Variants in CNTN3 observed in about 807,000 individuals in gnomAD.
CNTN3 encodes the protein contactin-3.
In CNTN3, 60 loss-of-function variants were observed where a neutral mutation model predicts 119.1. The observed-to-expected ratio is 0.50, with a 90% CI of 0.41 to 0.62. The LOEUF (loss-of-function observed/expected upper bound fraction) is 0.62. Ranked by LOEUF, CNTN3 falls within the 20% of genes least tolerant of loss-of-function variation. The probability of loss-of-function intolerance (pLI) is 0.00; values close to 1 mark genes in which losing one functional copy is unlikely to be tolerated. For missense variants in CNTN3, 1,101 were observed against 1,242.4 expected (o/e 0.89, Z 1.71); for synonymous variants, 450 against 438.7 (o/e 1.03, Z -0.32).
intron 1 of CNTN3, among the ~76,000 whole-genome samples, chr3:74,575,606 A>AACACACACACACACACACACACACACAC (rs71129762): frequency 7.4e-6 from 1 of 135,098 alleles, no homozygotes; most frequent in Non-Finnish European, 1.6e-5. Flanking sequence ...AGTCTCTCCC[A>AACACACACACACACACACACACACACAC]ACACACACAC....
At position 74,520,966 on chromosome 3, in the gene CNTN3, T is replaced by C. The variant is rs1009192046; in HGVS notation, c.55+92A>G. On this transcript the variant is annotated intron_variant, in intron 2 of 22. Coordinates refer to ENST00000263665, the MANE Select transcript of CNTN3 (RefSeq NM_020872.3). ...AACATTTGTTTTTCTTTGCTACTGG[T>C]GGAGTTTTATTTCAACATCTAAAAA... The C allele has an allele frequency of 3.1e-5, 19 of 608,010 alleles. No homozygotes were observed. In the African/African-American group the frequency reaches 3.3e-4, roughly 10 times the overall value. 37.7% of individuals were successfully genotyped at this position (608,010 alleles called of 1,614,324 possible).
At chr3:74,595,951 A>G (rs962807491) in intron 1 of CNTN3, among the ~76,000 whole-genome samples, 21 of 151,868 alleles carry the variant, frequency 1.4e-4, no homozygotes, top group Admixed American at 6.6e-5. Flanking sequence ...CCATTGTCTC[A>G]GCCCAAAATC....
intron 1 of CNTN3, among the ~76,000 whole-genome samples, chr3:74,550,553 T>C (rs887446585): frequency 2.0e-5 from 3 of 152,118 alleles, no homozygotes; most frequent in African/African-American, 4.8e-5. Context: ...TTATTATTAT[T>C]ATTTGAGACA....
intron 4 of CNTN3, among the ~76,000 whole-genome samples, chr3:74,464,425 T>C (rs7430250): frequency 0.71 from 108,310 of 152,018 alleles, 38,948 homozygotes; most frequent in African/African-American, 0.8. Flanking sequence ...TATACAGATA[T>C]AAAAGCAGAA....
intron 1 of CNTN3, among the ~76,000 whole-genome samples, chr3:74,541,897 ACT>A (rs1359404430): frequency 2.0e-5 from 3 of 152,174 alleles, no homozygotes; most frequent in Non-Finnish European, 4.4e-5. Flanking sequence ...TTGGTTTTCA[ACT>A]CTCACTGCTT....
chr3:74,576,610 C>T (rs1704421552), intron 1 of CNTN3, among the ~76,000 whole-genome samples: 1 of 152,016 alleles, frequency 6.6e-6, no homozygotes, highest in Non-Finnish European at 1.5e-5. Context: ...AGAGTGATCA[C>T]ACTTATTCTA....
At chr3:74,483,431 C>A (rs1285200875) in intron 4 of CNTN3, among the ~76,000 whole-genome samples, 2 of 152,048 alleles carry the variant, frequency 1.3e-5, no homozygotes, top group African/African-American at 4.8e-5. Flanking sequence ...GGCTCTCTTG[C>A]AAGTTTTTGC....
At chr3:74,435,058 T>C (rs1451743214) in intron 4 of CNTN3, among the ~76,000 whole-genome samples, 1 of 152,236 alleles carries the variant, frequency 6.6e-6, no homozygotes, top group East Asian at 1.9e-4. Flanking sequence ...TTTCTTTTCC[T>C]ACATTTGCTC....
intron 4 of CNTN3, among the ~76,000 whole-genome samples, chr3:74,427,263 G>A (rs891835539): frequency 1.3e-5 from 2 of 152,192 alleles, no homozygotes; most frequent in African/African-American, 2.4e-5. Context: ...AAGGTGGTAA[G>A]TACACAGAGG....
chr3:74,598,795 T>C (rs1221461772), intron 1 of CNTN3, among the ~76,000 whole-genome samples: 1 of 152,014 alleles, frequency 6.6e-6, no homozygotes, highest in African/African-American at 2.4e-5. Flanking sequence ...ATCAAATATG[T>C]ATGAAATGTC....
intron 1 of CNTN3, among the ~76,000 whole-genome samples, chr3:74,545,698 G>A (rs997281725): frequency 1.3e-5 from 2 of 152,050 alleles, no homozygotes; most frequent in African/African-American, 4.8e-5. Context: ...TTTCTTAGGG[G>A]TACCCAGATA....
At chr3:74,445,487 C>T (rs1702034778) in intron 4 of CNTN3, among the ~76,000 whole-genome samples, 1 of 152,122 alleles carries the variant, frequency 6.6e-6, no homozygotes, top group Non-Finnish European at 1.5e-5. Context: ...TGATCTTGAA[C>T]TCCTGACCTC....
At chr3:74,340,782 T>G (rs2106723613) in intron 11 of CNTN3, among the ~76,000 whole-genome samples, 1 of 152,224 alleles carries the variant, frequency 6.6e-6, no homozygotes, top group East Asian at 1.9e-4. Context: ...TTAGTAAGCC[T>G]TAAAACAAAG....
chr3:74,365,474 T>C (rs1015036961), intron 9 of CNTN3, 92 bp downstream of exon 9: 5 of 1,502,924 alleles, frequency 3.3e-6, no homozygotes, highest in African/African-American at 2.8e-5. Context: ...ATTTTGGGAC[T>C]AGGGACTAAA....
chr3:74,448,286 CAT>C (rs1436962751), intron 4 of CNTN3, among the ~76,000 whole-genome samples: 1 of 152,056 alleles, frequency 6.6e-6, no homozygotes, highest in African/African-American at 2.4e-5. Flanking sequence ...TAACCAACAA[CAT>C]AGAGTAAAAG....
At chr3:74,342,892 G>A (rs1703581538) in intron 11 of CNTN3, among the ~76,000 whole-genome samples, 2 of 152,076 alleles carry the variant, frequency 1.3e-5, no homozygotes, top group Admixed American at 1.3e-4. Context: ...CTTATACAAA[G>A]GAGTCTTTGG....
intron 1 of CNTN3, among the ~76,000 whole-genome samples, chr3:74,583,851 G>A (rs901569271): frequency 6.6e-6 from 1 of 152,140 alleles, no homozygotes; most frequent in African/African-American, 2.4e-5. Flanking sequence ...GGTGCACTAA[G>A]AGACAACAAT....
At chr3:74,560,818 T>G (rs2107173503) in intron 1 of CNTN3, among the ~76,000 whole-genome samples, 1 of 152,064 alleles carries the variant, frequency 6.6e-6, no homozygotes, top group African/African-American at 2.4e-5. Context: ...ATGTGGCACA[T>G]ACACATCATG....
intron 4 of CNTN3, among the ~76,000 whole-genome samples, chr3:74,449,136 C>A (rs938280493): frequency 5.3e-5 from 8 of 151,782 alleles, no homozygotes; most frequent in Non-Finnish European, 1.2e-4. Flanking sequence ...GAGTATAAAT[C>A]ATAAAGAAAT....
Sources: allele counts gnomAD v4.1 joint callset (sites outside exome capture counted in the v4.1 genomes callset), GRCh38; gene constraint gnomAD v4.1.1; transcripts MANE v1.5; gene names NCBI Gene and HGNC (gene_info 2026-07-23, HGNC 2026-07-21).